The following BLOC1S5 variants were observed in gnomAD, a reference collection of about 807,000 sequenced individuals.
BLOC1S5 encodes biogenesis of lysosome-related organelles complex 1 subunit 5.
Under a neutral mutation model 24.3 loss-of-function variants are expected in BLOC1S5, and 27 were observed. The ratio of observed to expected loss-of-function variants is 1.11; its 90% CI spans 0.82 to 1.53. BLOC1S5 has a LOEUF of 1.53. BLOC1S5 is among the 40% of genes most tolerant of loss of function. BLOC1S5 has a pLI of 0.00. For synonymous variants in BLOC1S5, 84 were observed against 74.5 expected, an observed-to-expected ratio of 1.13 and a Z score of -0.66; for missense variants, 239 against 229.4, an observed-to-expected ratio of 1.04 and a Z score of -0.27.
intron 3 of BLOC1S5, among the ~76,000 whole-genome samples, chr6:8,037,341 T>C (rs1487851318): frequency 6.6e-6 from 1 of 151,986 alleles, no homozygotes; most frequent in Non-Finnish European, 1.5e-5. Flanking sequence ...GCAAGCAATC[T>C]GAAAAAGAAA....
intron 3 of BLOC1S5, among the ~76,000 whole-genome samples, chr6:8,031,942 A>G (rs2113540857): frequency 6.6e-6 from 1 of 152,344 alleles, no homozygotes; most frequent in Non-Finnish European, 1.5e-5. Flanking sequence ...CTGGATCCTC[A>G]TCTCTCACCT....
intron 3 of BLOC1S5, among the ~76,000 whole-genome samples, chr6:8,027,672 A>G (rs1347080466): frequency 6.6e-6 from 1 of 152,158 alleles, no homozygotes; most frequent in Non-Finnish European, 1.5e-5. Context: ...TGTCTCTACT[A>G]AAAATACAAA....
intron 3 of BLOC1S5, among the ~76,000 whole-genome samples, chr6:8,027,605 G>A (rs928084663): frequency 5.9e-5 from 9 of 152,258 alleles, no homozygotes; most frequent in Middle Eastern, 3.4e-3. Context: ...AGGCCGTGGC[G>A]GGCAGATCAC....
At chr6:8,050,726 C>G (rs1480034143) in intron 2 of BLOC1S5, among the ~76,000 whole-genome samples, 2 of 151,870 alleles carry the variant, frequency 1.3e-5, no homozygotes, top group Non-Finnish European at 1.5e-5. Context: ...CCTCGGCCTC[C>G]CAAGTAGCTG....
At chr6:8,054,212 T>A in intron 2 of BLOC1S5, 1 of 436,224 alleles carries the variant, frequency 2.3e-6, no homozygotes, top group South Asian at 1.7e-5. Context: ...TCCTTTTACT[T>A]CCAGTTAATA....
At chr6:8,053,154 G>A (rs1413706201) in intron 2 of BLOC1S5, among the ~76,000 whole-genome samples, 1 of 152,084 alleles carries the variant, frequency 6.6e-6, no homozygotes, top group East Asian at 1.9e-4. Flanking sequence ...TGTTGAAAAT[G>A]CTGTGAACAC....
intron 3 of BLOC1S5, among the ~76,000 whole-genome samples, chr6:8,032,813 A>T (rs1381349481): frequency 6.6e-6 from 1 of 152,204 alleles, no homozygotes; most frequent in Non-Finnish European, 1.5e-5. Flanking sequence ...AAAAATCACA[A>T]GCATTCCTAT....
chr6:8,057,275 C>G (rs1288509643), intron 2 of BLOC1S5, among the ~76,000 whole-genome samples: 1 of 152,036 alleles, frequency 6.6e-6, no homozygotes, highest in East Asian at 1.9e-4. Context: ...ACCCATGACA[C>G]TATTATACAA....
At chr6:8,059,073 C>A (rs80017413) in intron 2 of BLOC1S5, among the ~76,000 whole-genome samples, 1,848 of 152,328 alleles carry the variant, frequency 0.012, 34 homozygotes, top group African/African-American at 0.042. Flanking sequence ...AAGGCCATAA[C>A]AGTTCCTCCA....
chr6:8,034,458 T>C (rs1290829158), intron 3 of BLOC1S5, among the ~76,000 whole-genome samples: 1 of 152,084 alleles, frequency 6.6e-6, no homozygotes, highest in Non-Finnish European at 1.5e-5. Context: ...GCAGGGAACA[T>C]CACATGCTGG....
At chr6:8,022,579 C>A (rs13218232) in intron 4 of BLOC1S5, among the ~76,000 whole-genome samples, 6 of 74,296 alleles carry the variant, frequency 8.1e-5, no homozygotes, top group African/African-American at 4.3e-4. Context: ...TTTTTTTTTT[C>A]TTTTTTTTTT....
chr6:8,034,357 T>A (rs975460398), intron 3 of BLOC1S5, among the ~76,000 whole-genome samples: 6 of 152,184 alleles, frequency 3.9e-5, no homozygotes, highest in Non-Finnish European at 8.8e-5. Context: ...GAAACCATCA[T>A]TCTCAGCAAA....
intron 2 of BLOC1S5, among the ~76,000 whole-genome samples, chr6:8,051,129 A>C (rs1398459505): frequency 6.6e-6 from 1 of 151,298 alleles, no homozygotes; most frequent in Non-Finnish European, 1.5e-5. Context: ...TGGAGGCTGC[A>C]GTGAGCCGAG....
intron 2 of BLOC1S5, among the ~76,000 whole-genome samples, chr6:8,052,783 T>C (rs1035597556): frequency 1.3e-5 from 2 of 151,446 alleles, no homozygotes; most frequent in African/African-American, 4.9e-5. Context: ...TAGTCTCAGC[T>C]ACTTGGGAGG....
At chr6:8,033,542 C>T (rs1386279105) in intron 3 of BLOC1S5, among the ~76,000 whole-genome samples, 1 of 152,156 alleles carries the variant, frequency 6.6e-6, no homozygotes, top group African/African-American at 2.4e-5. Flanking sequence ...AAAACCTAGG[C>T]AATACCATTC....
At chr6:8,053,092 G>A (rs1013846536) in intron 2 of BLOC1S5, among the ~76,000 whole-genome samples, 5 of 151,930 alleles carry the variant, frequency 3.3e-5, no homozygotes, top group East Asian at 1.9e-4. Flanking sequence ...AGGAAGAGTC[G>A]CACAACTCCC....
intron 2 of BLOC1S5, among the ~76,000 whole-genome samples, chr6:8,051,558 T>A (rs1332944813): frequency 6.6e-6 from 1 of 152,368 alleles, no homozygotes; most frequent in South Asian, 2.1e-4. Flanking sequence ...CCAATGTATA[T>A]GAAACTGCCT....
chr6:8,018,509 A>C (rs1366229211), intron 4 of BLOC1S5, among the ~76,000 whole-genome samples: 1 of 152,178 alleles, frequency 6.6e-6, no homozygotes, highest in African/African-American at 2.4e-5. Context: ...CCCCTTCCCA[A>C]CCAGAACGCA....
intron 2 of BLOC1S5, among the ~76,000 whole-genome samples, chr6:8,041,554 C>T (rs932894271): frequency 2.6e-5 from 4 of 151,748 alleles, no homozygotes; most frequent in East Asian, 1.9e-4. Flanking sequence ...CCTTGTGATC[C>T]GCCCACCTCG....
Sources: allele counts gnomAD v4.1 joint callset (sites outside exome capture counted in the v4.1 genomes callset), GRCh38; gene constraint gnomAD v4.1.1; transcripts MANE v1.5; gene names NCBI Gene and HGNC (gene_info 2026-07-23, HGNC 2026-07-21).